RMDN2: variants seen among roughly 807,000 people sequenced by gnomAD.
RMDN2 encodes the protein regulator of microtubule dynamics protein 2.
A neutral mutation model predicts 52.8 loss-of-function variants in RMDN2; 61 were observed. The ratio of observed to expected loss-of-function variants is 1.16; its 90% CI spans 0.94 to 1.43. RMDN2 has a LOEUF of 1.43. RMDN2 is among the 40% of genes most tolerant of loss of function. The pLI is 0.00. For missense variants in RMDN2, 592 were observed against 475.3 expected, an observed-to-expected ratio of 1.25 and a Z score of -2.28; for synonymous variants, 180 against 153.1, an observed-to-expected ratio of 1.18 and a Z score of -1.30.
upstream of RMDN2, among the ~76,000 whole-genome samples, chr2:37,921,516 T>C (rs939139323): frequency 1.3e-5 from 2 of 152,224 alleles, no homozygotes; most frequent in African/African-American, 2.4e-5. Context: ...AAACCCCCCA[T>C]GGGGCAAATG....
chr2:38,012,183 C>T (rs1311691830), intron 10 of RMDN2, among the ~76,000 whole-genome samples: 2 of 152,210 alleles, frequency 1.3e-5, no homozygotes, highest in Admixed American at 6.5e-5. Context: ...TACCCACCCT[C>T]TGCTCCTTCC....
chr2:38,027,591 T>C (rs943941406), intron 10 of RMDN2, among the ~76,000 whole-genome samples: 1 of 152,230 alleles, frequency 6.6e-6, no homozygotes, highest in Non-Finnish European at 1.5e-5. Context: ...GACATACTTG[T>C]ACTATGGAAT....
At chr2:38,021,393 C>A (rs1449061167), downstream of RMDN2, among the ~76,000 whole-genome samples, 1 of 152,164 alleles carries the variant, frequency 6.6e-6, no homozygotes, top group Non-Finnish European at 1.5e-5. Flanking sequence ...TCCCCCTCTG[C>A]ACTGTGGAAG....
intron 2 of RMDN2, among the ~76,000 whole-genome samples, chr2:37,961,308 A>G (rs1379455607): frequency 2.6e-5 from 4 of 152,078 alleles, no homozygotes; most frequent in South Asian, 2.1e-4. Flanking sequence ...CATTCTCCCT[A>G]TCACTTTCAG....
chr2:37,927,422 G>T (rs548065766), intron 1 of RMDN2, among the ~76,000 whole-genome samples: 1 of 152,280 alleles, frequency 6.6e-6, no homozygotes, highest in East Asian at 1.9e-4. Context: ...TTTGGAATTG[G>T]TGCAGTTCCT....
chr2:38,020,453 C>T (rs1679262375), downstream of RMDN2, among the ~76,000 whole-genome samples: 1 of 152,242 alleles, frequency 6.6e-6, no homozygotes, highest in Admixed American at 6.5e-5. Flanking sequence ...ACTGTGGGAG[C>T]CCCTTCCTGA....
intron 2 of RMDN2, among the ~76,000 whole-genome samples, chr2:37,940,262 G>C (rs750352199): frequency 1.3e-5 from 2 of 152,202 alleles, no homozygotes; most frequent in Non-Finnish European, 2.9e-5. Context: ...CTGTTAGTCT[G>C]CTGGGCTTCC....
intron 10 of RMDN2, among the ~76,000 whole-genome samples, chr2:38,016,142 A>G (rs1678745327): frequency 6.6e-6 from 1 of 152,226 alleles, no homozygotes; most frequent in Non-Finnish European, 1.5e-5. Context: ...AGTGTAACCA[A>G]CGTGGAAGAC....
chr2:38,052,217 GTGGTAAGATGATATCTCA>G (rs1681646140), intron 10 of RMDN2, among the ~76,000 whole-genome samples: 1 of 152,166 alleles, frequency 6.6e-6, no homozygotes, highest in African/African-American at 2.4e-5. Context: ...CATTGTAACT[GTGGTAAGATGATATCTCA>G]TGGTGGTCTT....
chr2:37,989,345 C>A (rs1216944055), intron 5 of RMDN2, among the ~76,000 whole-genome samples, 196 bp from the exon 6 acceptor site: 1 of 152,032 alleles, frequency 6.6e-6, no homozygotes, highest in Non-Finnish European at 1.5e-5. Flanking sequence ...TTGTTAGTAT[C>A]CCCAGTTATA....
intron 2 of RMDN2, among the ~76,000 whole-genome samples, chr2:37,957,284 G>C (rs1240847855): frequency 6.6e-6 from 1 of 152,184 alleles, no homozygotes; most frequent in Non-Finnish European, 1.5e-5. Flanking sequence ...CAGTGTGAAA[G>C]CTTTCCTATT....
In RMDN2 at chr2:37,948,618, AAGG is replaced by A. The variant is rs559160389; in HGVS notation, c.452+18893_452+18895del. ...AATTTTGGTTCTCTTAAAAAGCCAA[AAGG>A]AGGCAATTTGCAGACATTTAGAGGG... On this transcript the variant is annotated intron_variant, in intron 2 of 10. Transcript: ENST00000354545. Among the ~76,000 whole-genome samples the A allele has an allele frequency of 2.4e-3, 366 of 152,290 alleles. 2 individuals are homozygous for A. The highest frequency in any genetic ancestry group is 0.012 in the South Asian group (57 of 4,828).
intron 2 of RMDN2, among the ~76,000 whole-genome samples, chr2:37,967,564 G>T (rs1455833844): frequency 6.6e-6 from 1 of 152,204 alleles, no homozygotes; most frequent in African/African-American, 2.4e-5. Flanking sequence ...CTTTCTAGAA[G>T]ACCAAAGAAT....
intron 5 of RMDN2, among the ~76,000 whole-genome samples, 170 bp downstream of exon 5, chr2:37,981,513 A>T (rs1673313456): frequency 6.6e-6 from 1 of 152,232 alleles, no homozygotes; most frequent in Non-Finnish European, 1.5e-5. Flanking sequence ...TCACATTTTT[A>T]TTATGCAGCC....
At chr2:38,064,281 G>A (rs936276306) in intron 10 of RMDN2, among the ~76,000 whole-genome samples, 2 of 152,100 alleles carry the variant, frequency 1.3e-5, no homozygotes. Flanking sequence ...GGGTAGATCA[G>A]GAGTTTGAGA....
intron 10 of RMDN2, among the ~76,000 whole-genome samples, chr2:38,013,977 C>T (rs1248331017): frequency 1.3e-5 from 2 of 152,096 alleles, no homozygotes; most frequent in Non-Finnish European, 2.9e-5. Flanking sequence ...GCGGCCGAGG[C>T]GGGCGGATCA....
At chr2:37,936,286 TC>T (rs1667281129) in intron 2 of RMDN2, among the ~76,000 whole-genome samples, 3 of 152,358 alleles carry the variant, frequency 2.0e-5, no homozygotes, top group Admixed American at 2.0e-4. Context: ...ATTTTCTTTA[TC>T]CAGTCTATAA....
intron 2 of RMDN2, among the ~76,000 whole-genome samples, chr2:37,941,989 A>G (rs1667833768): frequency 6.6e-6 from 1 of 151,596 alleles, no homozygotes. Context: ...ATCTGCCCAA[A>G]CAGCTGCCCA....
intron 10 of RMDN2, among the ~76,000 whole-genome samples, chr2:38,053,217 G>GA (rs1553391850): frequency 2.0e-5 from 3 of 151,884 alleles, no homozygotes; most frequent in South Asian, 2.1e-4. Flanking sequence ...TTTTTGGAAG[G>GA]AAAAAATAGT....
Sources: gnomAD v4.1 joint callset for allele counts (sites outside exome capture counted in the v4.1 genomes callset) on GRCh38, gnomAD v4.1.1 for gene constraint, MANE v1.5 for transcripts, NCBI Gene and HGNC (gene_info 2026-07-23, HGNC 2026-07-21) for gene names.